The following NPR3 variants were observed in gnomAD, a reference collection of about 807,000 sequenced individuals.
The protein encoded by NPR3 is atrial natriuretic peptide receptor 3.
In NPR3, 34 loss-of-function variants were observed where a neutral mutation model predicts 54.5. That is an observed-to-expected ratio of 0.62 (90% confidence interval 0.47 to 0.83). The LOEUF is 0.83. NPR3 is among the 40% of genes least tolerant of loss of function. The pLI is 0.00. For missense variants in NPR3, 674 were observed against 720.8 expected, an observed-to-expected ratio of 0.94 and a Z score of 0.74; for synonymous variants, 289 against 297.1, an observed-to-expected ratio of 0.97 and a Z score of 0.28.
intron 1 of NPR3, among the ~76,000 whole-genome samples, chr5:32,703,116 A>T (rs1416162155): frequency 6.6e-6 from 1 of 152,132 alleles, no homozygotes; most frequent in Non-Finnish European, 1.5e-5. Context: ...CCACTTCAGG[A>T]TTATGATGAG....
At chr5:32,740,977 T>C (rs11749133) in intron 3 of NPR3, among the ~76,000 whole-genome samples, 32,932 of 148,110 alleles carry the variant, frequency 0.22, 3,878 homozygotes, top group South Asian at 0.28. Context: ...GTAGTGCTGC[T>C]AAATGTAGCC....
At position 32,780,760 on chromosome 5, in the gene NPR3, C is replaced by A; in HGVS notation, c.1234C>A (p.Arg412=). Residue 412 remains arginine, a synonymous_variant, in exon 5 of 8, where the codon CGA becomes AGA. Coordinates refer to ENST00000265074, the MANE Select transcript of NPR3 (RefSeq NM_001204375.2). The part of the protein sequence containing the change: ...GQVSIDANGD[R]YGDFSVIAMT... ...GGTGTCCATAGATGCCAACGGAGAC[C>A]GATATGGGGATTTCTCTGTGATTGC... 6.2e-7 allele frequency: 1 copy of A among 1,601,738 alleles called. No homozygotes were observed. Among genetic ancestry groups the A allele is most frequent in the South Asian group, 1.1e-5 (1 of 90,824 alleles).
Position 32,711,539 on chromosome 5 carries a change from C to G in NPR3, c.-238C>G, listed in dbSNP as rs1297554048. ...TATATTACAGACGCACAGGTTTACACCCGGTGAACTTTTTCTTTTTCTTTT... is the reference window on the plus strand; with the variant it reads ...TATATTACAGACGCACAGGTTTACAGCCGGTGAACTTTTTCTTTTTCTTTT... On this transcript the variant is annotated 5_prime_UTR_variant, in exon 1 of 8. Transcript: ENST00000265074. 5 of 782,210 alleles carry G rather than the reference C, an allele frequency of 6.4e-6. No homozygotes were observed. The African/African-American group carries it at 1.1e-4, about 18-fold the overall frequency. 48.5% of individuals were successfully genotyped at this position (782,210 alleles called of 1,614,324 possible). A position where few individuals can be genotyped will look rare whatever the true frequency, so the allele number is the denominator to read the frequency against.
chr5:32,738,801 A>T (rs2111945402), intron 2 of NPR3, 63 bp from the exon 3 acceptor site: 1 of 1,474,994 alleles, frequency 6.8e-7, no homozygotes, highest in East Asian at 2.3e-5. Flanking sequence ...ACAGTTGTGA[A>T]GGGAGAATGG....
intron 2 of NPR3, among the ~76,000 whole-genome samples, chr5:32,729,038 T>G (rs1579617322): frequency 2.3e-5 from 3 of 132,924 alleles, no homozygotes; most frequent in South Asian, 5.1e-4. Context: ...TTGTTTTGTT[T>G]TTTTTTTTTG....
chr5:32,694,836 C>T (rs7731703), intron 1 of NPR3, among the ~76,000 whole-genome samples: 46,663 of 151,936 alleles, frequency 0.31, 7,346 homozygotes, highest in Non-Finnish European at 0.32. Context: ...TTAACCATCC[C>T]TATGTTCTCC....
At chr5:32,717,931 A>G (rs929319878) in intron 1 of NPR3, among the ~76,000 whole-genome samples, 5 of 152,170 alleles carry the variant, frequency 3.3e-5, no homozygotes, top group African/African-American at 1.2e-4. Context: ...GTCCTTGCCC[A>G]TGCCTACGTC....
rs548982039 is a variant in NPR3, at chr5:32,768,346, C to T, written c.1060-6362C>T. Among the ~76,000 whole-genome samples the T allele has an allele frequency of 7.9e-5, 12 of 152,246 alleles. 1 individual carries two copies. Among genetic ancestry groups the T allele is most frequent in the East Asian group, 7.7e-4 (4 of 5,176 alleles). On this transcript the variant is annotated intron_variant, in intron 3 of 7. Coordinates refer to ENST00000265074, the MANE Select transcript of NPR3 (RefSeq NM_001204375.2). The stretch of plus-strand genomic sequence containing the variant: ...CTAAGCCTTCAAGAGGGTGATGGGA[C>T]GAGAAGCATCTGTATATGACGCATG...
chr5:32,728,835 GTGTATATATATATATATATA>G (rs1290382912), intron 2 of NPR3, among the ~76,000 whole-genome samples: 906 of 60,650 alleles, frequency 0.015, 41 homozygotes, highest in African/African-American at 0.05. Flanking sequence ...GTGTGTGTGT[GTGTATATATATATATATATA>G]TATATATATA....
At position 32,728,837 on chromosome 5, in the gene NPR3, GTATATATATA is replaced by G. The variant is rs70961659; in HGVS notation, c.892+4047_892+4056del. Among the ~76,000 whole-genome samples, 11 of 48,002 alleles carry G rather than the reference GTATATATATA, an allele frequency of 2.3e-4. No individual in the cohort carries two copies. The South Asian group carries it at 3.7e-3, about 16-fold the overall frequency. 31.5% of individuals were successfully genotyped at this position (48,002 alleles called of 152,430 possible). ...TATTTGTGTGTGTGTGTGTGTGTGT[GTATATATATA>G]TATATATATATATATATATATATAT... On this transcript the variant is annotated intron_variant, in intron 2 of 7. Coordinates refer to ENST00000265074, the MANE Select transcript of NPR3 (RefSeq NM_001204375.2).
chr5:32,711,278 C>A, upstream of NPR3: 1 of 982,612 alleles, frequency 1.0e-6, no homozygotes, highest in South Asian at 4.7e-5. Flanking sequence ...ACACGCTCAG[C>A]CGCTGCCACG....
intron 3 of NPR3, among the ~76,000 whole-genome samples, chr5:32,769,476 C>T (rs1019985991): frequency 8.5e-5 from 13 of 152,172 alleles, no homozygotes; most frequent in African/African-American, 3.1e-4. Context: ...CTTCTCTTAC[C>T]TACTTTCCAT....
At chr5:32,755,777 C>T (rs1037287803) in intron 3 of NPR3, among the ~76,000 whole-genome samples, 1 of 152,286 alleles carries the variant, frequency 6.6e-6, no homozygotes, top group East Asian at 1.9e-4. Flanking sequence ...CCTACATTGC[C>T]GCATCCTTCT....
At chr5:32,732,125 C>G (rs920266039) in intron 2 of NPR3, among the ~76,000 whole-genome samples, 2 of 151,666 alleles carry the variant, frequency 1.3e-5, no homozygotes, top group Non-Finnish European at 1.5e-5. Context: ...CCTGTAGTCC[C>G]AGCTACTCGG....
chr5:32,732,995 C>T (rs1739543842), intron 2 of NPR3, among the ~76,000 whole-genome samples: 1 of 152,072 alleles, frequency 6.6e-6, no homozygotes, highest in Non-Finnish European at 1.5e-5. Flanking sequence ...CAGGCATGTG[C>T]CACCACGCCG....
chr5:32,759,129 G>A (rs900497733), intron 3 of NPR3, among the ~76,000 whole-genome samples: 5 of 152,158 alleles, frequency 3.3e-5, no homozygotes, highest in Non-Finnish European at 5.9e-5. Context: ...TCCGCTTGGT[G>A]CAGAGCTGAG....
At chr5:32,728,356 G>A (rs2111904729) in intron 2 of NPR3, among the ~76,000 whole-genome samples, 1 of 152,132 alleles carries the variant, frequency 6.6e-6, no homozygotes, top group Admixed American at 6.5e-5. Context: ...CCAGCTACTT[G>A]GGAGGCTGAG....
Position 32,780,818 on chromosome 5 carries a change from T to TCTCACGTGCTCACCTCCTGG in NPR3, c.1290+2_1290+3insCTCACGTGCTCACCTCCTGG. ...GATGTGGAGGCGGGCACCCAGGAGG[T>TCTCACGTGCTCACCTCCTGG]GAGCACGTGAGACCTCTGCACCAGT... On this transcript the variant is annotated splice_region_variant and intron_variant, in intron 5 of 7. Transcript: ENST00000265074. The TCTCACGTGCTCACCTCCTGG allele has an allele frequency of 1.5e-6, 2 of 1,369,062 alleles. No homozygotes were observed. Among genetic ancestry groups the TCTCACGTGCTCACCTCCTGG allele is most frequent in the Non-Finnish European group, 2.1e-6 (2 of 956,408 alleles). 84.8% of individuals were successfully genotyped at this position (1,369,062 alleles called of 1,614,324 possible). A position where few individuals can be genotyped will look rare whatever the true frequency, so the allele number is the denominator to read the frequency against.
intron 3 of NPR3, among the ~76,000 whole-genome samples, chr5:32,752,324 T>C (rs902418619): frequency 6.6e-6 from 1 of 152,232 alleles, no homozygotes. Context: ...TGAAAAGTTA[T>C]CAGATCATCA....
Sources: gnomAD v4.1 joint callset for allele counts (sites outside exome capture counted in the v4.1 genomes callset) on GRCh38, gnomAD v4.1.1 for gene constraint, MANE v1.5 for transcripts, NCBI Gene and HGNC (gene_info 2026-07-23, HGNC 2026-07-21) for gene names.